Variants in FNDC1 observed in about 807,000 individuals in gnomAD.
The protein encoded by FNDC1 is fibronectin type III domain containing 1, also known as fibronectin type III domain-containing protein 1.
FNDC1 carries 96 observed loss-of-function variants against 168.0 expected under a neutral mutation model. The ratio of observed to expected loss-of-function variants is 0.57; its 90% CI spans 0.48 to 0.68. The LOEUF (loss-of-function observed/expected upper bound fraction) is 0.68, where lower values mean the gene tolerates loss of function less well. Among genes scored for constraint, FNDC1 ranks in the 30% least tolerant of loss-of-function variants. The probability of loss-of-function intolerance (pLI) is 0.00; values close to 1 mark genes in which losing one functional copy is unlikely to be tolerated. For synonymous variants in FNDC1, 1,099 were observed against 1,025.9 expected, an observed-to-expected ratio of 1.07 and a Z score of -1.36; for missense variants, 2,587 against 2,482.1, an observed-to-expected ratio of 1.04 and a Z score of -0.90.
chr6:159,248,754 C>T (rs1007051635), intron 15 of FNDC1, among the ~76,000 whole-genome samples: 2 of 152,242 alleles, frequency 1.3e-5, no homozygotes, highest in Admixed American at 6.5e-5. Flanking sequence ...TTCTCTCCAG[C>T]TCTGAGTCTA....
chr6:159,263,484 T>C (rs1447919410), intron 19 of FNDC1, among the ~76,000 whole-genome samples: 12 of 152,216 alleles, frequency 7.9e-5, no homozygotes, highest in Non-Finnish European at 1.8e-4. Flanking sequence ...CTTTTTTGGC[T>C]GGCCACGGTG....
chr6:159,175,018 T>C lies in FNDC1; in HGVS notation c.109+5313T>C, dbSNP rs140483885. 2.4e-3 allele frequency among the ~76,000 whole-genome samples: 359 copies of C among 152,324 alleles called. 1 individual carries two copies. The highest frequency in any genetic ancestry group is 8.0e-3 in the African/African-American group (331 of 41,570). ...AATTATTATAATAATGCTACACTTG[T>C]AGCAAAATAACTTGAGAGGTGTTCA... On this transcript the variant is annotated intron_variant, in intron 1 of 22. Transcript: ENST00000297267.
intron 18 of FNDC1, among the ~76,000 whole-genome samples, chr6:159,260,328 T>G (rs912900224): frequency 3.3e-5 from 5 of 152,242 alleles, no homozygotes; most frequent in Non-Finnish European, 7.3e-5. Context: ...ACCACCATTC[T>G]TTTTCTTTTG....
intron 1 of FNDC1, among the ~76,000 whole-genome samples, chr6:159,184,592 C>G (rs959122145): frequency 6.6e-6 from 1 of 152,186 alleles, no homozygotes; most frequent in Non-Finnish European, 1.5e-5. Context: ...TCTCCAGAAC[C>G]TTTGCTTGGC....
At chr6:159,177,256 G>A (rs1781780116) in intron 1 of FNDC1, among the ~76,000 whole-genome samples, 1 of 152,216 alleles carries the variant, frequency 6.6e-6, no homozygotes, top group Admixed American at 6.5e-5. Flanking sequence ...TGCAAACAGA[G>A]TGGAGATGAG....
At chr6:159,194,400 T>C (rs2114941335) in intron 1 of FNDC1, among the ~76,000 whole-genome samples, 1 of 152,360 alleles carries the variant, frequency 6.6e-6, no homozygotes, top group Non-Finnish European at 1.5e-5. Flanking sequence ...TATATCATCT[T>C]CATTAGATGA....
At chr6:159,263,102 T>A (rs1421811405) in intron 19 of FNDC1, among the ~76,000 whole-genome samples, 1 of 152,230 alleles carries the variant, frequency 6.6e-6, no homozygotes, top group East Asian at 1.9e-4. Flanking sequence ...TCGTCTGTGC[T>A]GGTGTCATTT....
At chr6:159,170,555 T>C (rs1781632106) in intron 1 of FNDC1, among the ~76,000 whole-genome samples, 1 of 152,340 alleles carries the variant, frequency 6.6e-6, no homozygotes, top group Non-Finnish European at 1.5e-5. Flanking sequence ...TTTTTACACT[T>C]GAAACTGGCT....
chr6:159,223,421 A>C (rs1386238390), intron 6 of FNDC1, 107 bp from the exon 7 acceptor site: 1 of 597,884 alleles, frequency 1.7e-6, no homozygotes, highest in East Asian at 3.0e-5. Flanking sequence ...ACACACAAGC[A>C]ATCTAAAACT....
intron 14 of FNDC1, 90 bp downstream of exon 14, chr6:159,240,047 A>T: frequency 7.9e-7 from 1 of 1,261,810 alleles, no homozygotes; most frequent in Non-Finnish European, 1.1e-6. Context: ...CAGGGGAGGT[A>T]TGAGCACCGT....
At chr6:159,227,649 T>C (rs200060936) in intron 9 of FNDC1, among the ~76,000 whole-genome samples, 7,987 of 78,328 alleles carry the variant, frequency 0.1, 441 homozygotes, top group East Asian at 0.53. Context: ...TCTTTCTCTT[T>C]TTTTTTTTTT....
At chr6:159,178,876 T>A (rs1195882371) in intron 1 of FNDC1, among the ~76,000 whole-genome samples, 2 of 152,060 alleles carry the variant, frequency 1.3e-5, no homozygotes, top group Admixed American at 6.5e-5. Flanking sequence ...TCACTGCTCC[T>A]GTCCTCTCCC....
chr6:159,228,556 A>T (rs200399104), intron 9 of FNDC1, among the ~76,000 whole-genome samples: 2 of 145,948 alleles, frequency 1.4e-5, no homozygotes, highest in South Asian at 2.2e-4. Flanking sequence ...TTTTTTTTTT[A>T]AATAAATATA....
intron 1 of FNDC1, among the ~76,000 whole-genome samples, chr6:159,186,064 G>A (rs892974580): frequency 6.6e-6 from 1 of 152,150 alleles, no homozygotes; most frequent in Non-Finnish European, 1.5e-5. Flanking sequence ...TATTCTCTGA[G>A]CAAATTACAG....
chr6:159,196,561 G>C lies in FNDC1; in HGVS notation c.110-870G>C, dbSNP rs557416511. 3.3e-5 allele frequency among the ~76,000 whole-genome samples: 5 copies of C among 152,278 alleles called. No homozygotes were observed. In the South Asian group the frequency reaches 1.0e-3, roughly 32 times the overall value. On this transcript the variant is annotated intron_variant, in intron 1 of 22. Transcript: ENST00000297267. ...TTCTTAAAGTTACTGTTTAAAGGTT[G>C]TTGGTTTTGTTTTTAGGTTACTTTT...
chr6:159,260,594 A>G (rs978401524), intron 18 of FNDC1, among the ~76,000 whole-genome samples: 3 of 152,170 alleles, frequency 2.0e-5, no homozygotes, highest in African/African-American at 7.2e-5. Context: ...GTGTTTCTCA[A>G]TGCACCCAAT....
chr6:159,271,906 A>T lies in FNDC1; in HGVS notation c.*464A>T, dbSNP rs1204620265. 6.5e-6 allele frequency: 1 copy of T among 154,268 alleles called. No individual in the cohort carries two copies. The highest frequency in any genetic ancestry group is 6.4e-5 in the Admixed American group (1 of 15,728). 9.6% of individuals were successfully genotyped at this position (154,268 alleles called of 1,614,324 possible). A position where few individuals can be genotyped will look rare whatever the true frequency, so the allele number is the denominator to read the frequency against. On this transcript the variant is annotated 3_prime_UTR_variant, in exon 23 of 23. Transcript: ENST00000297267. ...GGTCCCTTTGTATGCAGTAGAAAGGAATTATTAAAAACACCACCAAAGAAA... is the reference window on the plus strand; with the variant it reads ...GGTCCCTTTGTATGCAGTAGAAAGGTATTATTAAAAACACCACCAAAGAAA...
At chr6:159,188,348 G>A (rs1368638496) in intron 1 of FNDC1, among the ~76,000 whole-genome samples, 3 of 149,202 alleles carry the variant, frequency 2.0e-5, no homozygotes, top group Non-Finnish European at 4.4e-5. Context: ...CGTACCAGGT[G>A]GTATCTGCCT....
At chr6:159,178,927 G>A (rs539768466) in intron 1 of FNDC1, among the ~76,000 whole-genome samples, 95 of 152,078 alleles carry the variant, frequency 6.2e-4, no homozygotes, top group Middle Eastern at 6.8e-3. Context: ...AGCAATTCTC[G>A]TGATGCACAA....
Sources: gnomAD v4.1 joint callset for allele counts (sites outside exome capture counted in the v4.1 genomes callset) on GRCh38, gnomAD v4.1.1 for gene constraint, MANE v1.5 for transcripts, NCBI Gene and HGNC (gene_info 2026-07-23, HGNC 2026-07-21) for gene names.